The following KRT1 variants were observed in gnomAD, a reference collection of about 807,000 sequenced individuals.
KRT1 encodes keratin, type II cytoskeletal 1.
A neutral mutation model predicts 51.6 loss-of-function variants in KRT1; 28 were observed. The ratio of observed to expected loss-of-function variants is 0.54; its 90% CI spans 0.40 to 0.74. The LOEUF (loss-of-function observed/expected upper bound fraction) is 0.74, where lower values mean the gene tolerates loss of function less well. Among genes scored for constraint, KRT1 ranks in the 30% least tolerant of loss-of-function variants. The pLI, the probability that KRT1 is intolerant of heterozygous loss-of-function variation, is 0.00. For synonymous variants in KRT1, 301 were observed against 307.7 expected, an observed-to-expected ratio of 0.98 and a Z score of 0.23; for missense variants, 783 against 815.5, an observed-to-expected ratio of 0.96 and a Z score of 0.49.
At position 52,675,289 on chromosome 12, in the gene KRT1, T is replaced by C; in HGVS notation, c.1839A>G (p.Ile613Met). 6.2e-7 allele frequency: 1 copy of C among 1,613,316 alleles called. No individual in the cohort carries two copies. The highest frequency in any genetic ancestry group is 1.1e-5 in the South Asian group (1 of 90,798). Reference protein sequence around the residue: ...GSGGGSSGGSIGGRGSSSGGV... With the variant: ...GSGGGSSGGSMGGRGSSSGGV... ...CCCCAGAGCTGGATCCCCGGCCTCC[T>C]ATGGAGCCTCCAGAGCTCCCGCCGC... is the stretch of plus-strand genomic sequence containing the variant. Residue 613 changes from isoleucine to methionine, a missense_variant, in exon 9 of 9, where the codon ATA becomes ATG. Coordinates refer to ENST00000252244, the MANE Select transcript of KRT1 (RefSeq NM_006121.4).
chr12:52,677,568 A>G, intron 4 of KRT1, 82 bp downstream of exon 4: 1 of 1,603,340 alleles, frequency 6.2e-7, no homozygotes, highest in Non-Finnish European at 8.5e-7. Flanking sequence ...TAAAAGATAA[A>G]TATCTATTCT....
At position 52,680,061 on chromosome 12, in the gene KRT1, A is replaced by G. The variant is rs1384889515; in HGVS notation, c.288T>C (p.Gly96=). The stretch of plus-strand genomic sequence containing the variant: ...CAAAGCCACCACCACCAAAGCCACC[A>G]CCACCATAACCACCACCAAAGCCAC... ...RGSGFGGGYG[G]GGFGGGGFGG... The change falls in exon 1 of 9, where the codon GGT becomes GGC. Residue 96 remains glycine (G), a synonymous_variant. Coordinates refer to ENST00000252244, the MANE Select transcript of KRT1 (RefSeq NM_006121.4). The G allele has an allele frequency of 1.3e-6, 2 of 1,554,248 alleles. No individual in the cohort carries two copies. The highest frequency in any genetic ancestry group is 2.4e-5 in the East Asian group (1 of 40,930).
At chr12:52,675,981 C>T (rs893053469) in intron 7 of KRT1, among the ~76,000 whole-genome samples, 1 of 152,154 alleles carries the variant, frequency 6.6e-6, no homozygotes, top group Admixed American at 6.5e-5. Flanking sequence ...AATGAAGGCC[C>T]CCTCTAAAGA....
Position 52,678,650 on chromosome 12 carries a change from G to A in KRT1, c.698C>T (p.Ser233Leu), listed in dbSNP as rs60297570. 1 of 1,614,178 alleles carries A rather than the reference G, an allele frequency of 6.2e-7. No individual in the cohort carries two copies. Among genetic ancestry groups the A allele is most frequent in the Non-Finnish European group, 8.5e-7 (1 of 1,180,034 alleles). The change falls in exon 2 of 9, where the codon TCA becomes TTA. Residue 233 changes from serine (S) to leucine (L), a missense_variant. Coordinates refer to ENST00000252244, the MANE Select transcript of KRT1 (RefSeq NM_006121.4). Reference protein sequence around the residue: ...RTHNLEPYFESFINNLRRRVD... With the variant: ...RTHNLEPYFELFINNLRRRVD... ...TCTCCTTCGGAGATTGTTGATGAAT[G>A]ACTCAAAGTAGGGCTCTAAATTATG...
rs367758133 is a variant in KRT1 at position 52,677,203 on chromosome 12, G to A, written c.1129-19C>T. The A allele has an allele frequency of 5.1e-5, 82 of 1,614,042 alleles. No individual in the cohort carries two copies. Among genetic ancestry groups the A allele is most frequent in the East Asian group, 6.7e-5 (3 of 44,906 alleles). On this transcript the variant is annotated intron_variant, in intron 5 of 8. Coordinates refer to ENST00000252244, the MANE Select transcript of KRT1 (RefSeq NM_006121.4). The stretch of plus-strand genomic sequence containing the variant: ...CTTCATACTAAAGATGGTAGATAGC[G>A]TTTGTTAAATGTAGGCAGAACTCAG...
At chr12:52,676,219 C>T (rs1941500021) in intron 7 of KRT1, 56 bp downstream of exon 7, 2 of 1,410,476 alleles carry the variant, frequency 1.4e-6, no homozygotes, top group Middle Eastern at 3.5e-4. Flanking sequence ...CAACAATCAG[C>T]TTGCAAGGAA....
rs553480869 is a variant in KRT1 at position 52,675,495 on chromosome 12, C to T, written c.1633G>A (p.Gly545Ser). 9.7e-6 allele frequency: 15 copies of T among 1,547,590 alleles called. No individual in the cohort carries two copies. Among genetic ancestry groups the T allele is most frequent in the South Asian group, 3.5e-5 (3 of 85,846 alleles). The change falls in exon 9 of 9, where the codon GGC becomes AGC. Residue 545 changes from glycine to serine, a missense_variant. Coordinates refer to ENST00000252244, the MANE Select transcript of KRT1 (RefSeq NM_006121.4). Reference sequence around the variant, plus strand: ...CCATAGCTGCCACGGCCGCCGCCGCCGCCACCTCCAGAACCATAGCTACCA... The same window carrying T: ...CCATAGCTGCCACGGCCGCCGCCGCTGCCACCTCCAGAACCATAGCTACCA... Reference protein sequence around the residue: ...GGGSYGSGGGGGGGRGSYGSG... With the variant: ...GGGSYGSGGGSGGGRGSYGSG...
chr12:52,676,490 G>A lies in KRT1; in HGVS notation c.1260C>T (p.Ser420=). The A allele has an allele frequency of 1.9e-6, 3 of 1,614,140 alleles. No individual in the cohort carries two copies. The highest frequency in any genetic ancestry group is 2.5e-6 in the Non-Finnish European group (3 of 1,180,018). ...CATCACTGATGGACTGCTGCAAGTT[G>A]GAGATCTGAAAAAGAATATGACACC... The part of the protein sequence containing the change: ...SEIDNVKKQI[S]NLQQSISDAE... The change falls in exon 7 of 9, where the codon TCC becomes TCT. Residue 420 remains serine, a synonymous_variant. Transcript: ENST00000252244.
Position 52,680,215 on chromosome 12 carries a change from C to T in KRT1, c.134G>A (p.Arg45Lys), listed in dbSNP as rs1432892108. The change falls in exon 1 of 9, where the codon AGA (arginine) becomes AAA (lysine). Residue 45 changes from arginine (R) to lysine (K), a missense_variant. Physicochemically the swap from Arg to Lys is conservative, Grantham distance 26. Transcript: ENST00000252244. ...STRRSGGGGG[R>K]FSSCGGGGGS... ...ACCACCACCACCACAGCTTGAAAAT[C>T]TCCCACCACCTCCTCCACTGCGGCG... 1.2e-6 allele frequency: 2 copies of T among 1,614,094 alleles called. No individual in the cohort carries two copies. Among genetic ancestry groups the T allele is most frequent in the African/African-American group, 1.3e-5 (1 of 75,038 alleles).
rs1215685252 is a variant in KRT1, at chr12:52,675,729, A to G, written c.1491T>C (p.Cys497=). ...EGEESRMSGE[C]APNVSVSVST... ...ACTTACACACACTCACGTTCGGGGC[A>G]CATTCTCCAGACATCCTGTAGGAGA... The change falls in exon 8 of 9, where the codon TGT becomes TGC. Residue 497 remains cysteine (C), a synonymous_variant. Coordinates refer to ENST00000252244, the MANE Select transcript of KRT1 (RefSeq NM_006121.4). 5 of 1,614,076 alleles carry G rather than the reference A, an allele frequency of 3.1e-6. No individual in the cohort carries two copies. Among genetic ancestry groups the G allele is most frequent in the Non-Finnish European group, 4.2e-6 (5 of 1,180,040 alleles).
Position 52,678,684 on chromosome 12 carries a change from T to C in KRT1, c.664A>G (p.Thr222Ala), listed in dbSNP as rs774726631. 6.2e-7 allele frequency: 1 copy of C among 1,614,250 alleles called. No homozygotes were observed. Among genetic ancestry groups the C allele is most frequent in the South Asian group, 1.1e-5 (1 of 91,086 alleles). The part of the protein sequence containing the change: ...WELLQQVDTS[T>A]RTHNLEPYFE... ...TAGGGCTCTAAATTATGGGTTCTAG[T>C]GGAGGTATCTACCTGCTGCAGCAGC... The change falls in exon 2 of 9, where the codon ACT (threonine) becomes GCT (alanine). Residue 222 changes from threonine to alanine, a missense_variant. Physicochemically the swap from Thr to Ala is moderately conservative, Grantham distance 58. Transcript: ENST00000252244.
At position 52,677,329 on chromosome 12, in the gene KRT1, A is replaced by G. The variant is rs1941523495; in HGVS notation, c.1115T>C (p.Leu372Ser). 1.2e-6 allele frequency: 2 copies of G among 1,614,230 alleles called. No individual in the cohort carries two copies. The highest frequency in any genetic ancestry group is 1.6e-4 in the Middle Eastern group (1 of 6,062). Residue 372 changes from leucine to serine, a missense_variant, in exon 5 of 9, where the codon TTG becomes TCG. Leu to Ser is a moderately radical substitution (Grantham distance 145). Coordinates refer to ENST00000252244, the MANE Select transcript of KRT1 (RefSeq NM_006121.4). ...CAGCCCACTCACCTTGCTCTGGTACAAGGACTCGGCCTCAGCTTTGCTCTT... is the reference window on the plus strand; with the variant it reads ...CAGCCCACTCACCTTGCTCTGGTACGAGGACTCGGCCTCAGCTTTGCTCTT... ...AQKSKAEAES[L>S]YQSKYEELQI...
In KRT1 at chr12:52,675,394, G is replaced by A. The variant is rs1565646222; in HGVS notation, c.1734C>T (p.Tyr578=). 8 of 1,578,692 alleles carry A rather than the reference G, an allele frequency of 5.1e-6. No individual in the cohort carries two copies. In the Admixed American group the frequency reaches 1.0e-4, roughly 21 times the overall value. Residue 578 remains tyrosine, a synonymous_variant, in exon 9 of 9, where the codon TAC becomes TAT. Coordinates refer to ENST00000252244, the MANE Select transcript of KRT1 (RefSeq NM_006121.4). ...SGGGGGGHGS[Y]GSGSSSGGYR... Reference sequence around the variant, plus strand: ...AGCCCCCACTGCTGCTTCCGGAGCCGTAGCTGCCATGGCCGCCGCCGCCAC... The same window carrying A: ...AGCCCCCACTGCTGCTTCCGGAGCCATAGCTGCCATGGCCGCCGCCGCCAC...
intron 1 of KRT1, 94 bp downstream of exon 1, chr12:52,679,664 T>G (rs1941557206): frequency 4.7e-6 from 5 of 1,073,742 alleles, no homozygotes; most frequent in Non-Finnish European, 7.2e-6. Context: ...CATGTAAACA[T>G]GGAAACTTGA....
chr12:52,677,791 G>A (rs986928583), intron 3 of KRT1, 46 bp from the exon 4 acceptor site: 4 of 1,522,888 alleles, frequency 2.6e-6, no homozygotes, highest in South Asian at 1.1e-5. Flanking sequence ...CTCCAGGGCA[G>A]GTCCCTCTCA....
intron 1 of KRT1, 48 bp downstream of exon 1, chr12:52,679,710 C>T (rs775385103): frequency 6.5e-7 from 1 of 1,533,190 alleles, no homozygotes; most frequent in Admixed American, 1.7e-5. Flanking sequence ...GCACCAATCC[C>T]AAGTGGACCA....
intron 5 of KRT1, 64 bp from the exon 6 acceptor site, chr12:52,677,248 C>T: frequency 6.2e-7 from 1 of 1,614,164 alleles, no homozygotes. Context: ...GGCACACATA[C>T]ATGAGATAAC....
Position 52,680,125 on chromosome 12 carries a change from C to T in KRT1, c.224G>A (p.Ser75Asn), listed in dbSNP as rs1362626391. 5.7e-6 allele frequency: 9 copies of T among 1,573,100 alleles called. No individual in the cohort carries two copies. Among genetic ancestry groups the T allele is most frequent in the East Asian group, 2.4e-5 (1 of 42,132 alleles). The change falls in exon 1 of 9, where the codon AGC becomes AAC. Residue 75 changes from serine (S) to asparagine (N), a missense_variant. Physicochemically the swap from Ser to Asn is conservative, Grantham distance 46. Coordinates refer to ENST00000252244, the MANE Select transcript of KRT1 (RefSeq NM_006121.4). ...RSLVNLGGSK[S>N]ISISVARGGG... ...TCCTCTAGCCACACTTATGGAGATG[C>T]TTTTACTGCCACCAAGGTTAACAAG...
intron 3 of KRT1, 88 bp downstream of exon 3, chr12:52,678,075 A>G (rs983179367): frequency 1.4e-5 from 18 of 1,301,462 alleles, no homozygotes; most frequent in Admixed American, 1.2e-4. Context: ...CTGGCTCTCC[A>G]TATCATGGCT....
Sources: gnomAD v4.1 joint callset for allele counts (sites outside exome capture counted in the v4.1 genomes callset) on GRCh38, gnomAD v4.1.1 for gene constraint, MANE v1.5 for transcripts, NCBI Gene and HGNC (gene_info 2026-07-23, HGNC 2026-07-21) for gene names.